Variants in FAAH2 observed in about 807,000 individuals in gnomAD.
FAAH2 encodes the protein fatty-acid amide hydrolase 2.
In FAAH2, 60 loss-of-function variants were observed where a neutral mutation model predicts 36.9. That is an observed-to-expected ratio of 1.63 (90% CI 1.32 to 2.02). The LOEUF is 2.02. Among genes scored for constraint, FAAH2 ranks in the 30% most tolerant of loss-of-function variants. The pLI is 0.00. For missense variants in FAAH2, 689 were observed against 397.5 expected (o/e 1.73, Z -6.23); for synonymous variants, 214 against 143.8 (o/e 1.49, Z -3.49).
intron 10 of FAAH2, among the ~76,000 whole-genome samples, chrX:57,464,537 A>T (rs1350001833): frequency 2.8e-4 from 31 of 108,828 alleles, no homozygotes; most frequent in African/African-American, 9.9e-4. Context: ...AAAAAAAAAA[A>T]AATTGACAAA....
At chrX:57,364,507 A>T (rs2054365222) in intron 5 of FAAH2, among the ~76,000 whole-genome samples, 1 of 99,038 alleles carries the variant, frequency 1.0e-5, no homozygotes, top group African/African-American at 3.8e-5. Context: ...TCTTCCAATG[A>T]TTCAACTTTT....
chrX:57,163,432 G>C, the FAAH2 span, among the ~76,000 whole-genome samples: 2 of 111,925 alleles, frequency 1.8e-5, no homozygotes, highest in Non-Finnish European at 3.8e-5. Context: ...AATCAAGCCT[G>C]GGCAATGGAG....
the FAAH2 span, among the ~76,000 whole-genome samples, chrX:57,186,976 T>C: frequency 8.9e-6 from 1 of 111,809 alleles, no homozygotes; most frequent in Non-Finnish European, 1.9e-5. Flanking sequence ...CCTTGTAGTA[T>C]AGTTTGAAGT....
At chrX:57,318,931 C>G (rs937702911) in intron 3 of FAAH2, among the ~76,000 whole-genome samples, 2 of 111,880 alleles carry the variant, frequency 1.8e-5, no homozygotes, top group Non-Finnish European at 3.8e-5. Flanking sequence ...ACATGATTAT[C>G]TCAATAGATG....
At chrX:57,403,235 A>G (rs1373776503) in intron 7 of FAAH2, among the ~76,000 whole-genome samples, 1 of 112,377 alleles carries the variant, frequency 8.9e-6, no homozygotes, top group Non-Finnish European at 1.9e-5. Flanking sequence ...CAGCACCCCT[A>G]GTAATTTTCC....
the FAAH2 span, among the ~76,000 whole-genome samples, chrX:57,196,808 A>G: frequency 1.1e-4 from 12 of 111,178 alleles, no homozygotes; most frequent in African/African-American, 3.6e-4. Flanking sequence ...AGCTCTTAAC[A>G]TTCTTTCCTT....
At chrX:57,303,658 T>C (rs2052440046) in intron 2 of FAAH2, among the ~76,000 whole-genome samples, 2 of 111,860 alleles carry the variant, frequency 1.8e-5, no homozygotes, top group Non-Finnish European at 3.8e-5. Context: ...TCAGTCTTTC[T>C]CCAAAGCCTG....
intron 10 of FAAH2, among the ~76,000 whole-genome samples, chrX:57,449,080 C>T (rs1325260061): frequency 2.7e-5 from 3 of 111,616 alleles, no homozygotes; most frequent in Non-Finnish European, 5.6e-5. Context: ...CTGTGGCTTC[C>T]CAGAAGATTC....
the FAAH2 span, among the ~76,000 whole-genome samples, chrX:57,162,135 G>T: frequency 9.0e-6 from 1 of 111,528 alleles, no homozygotes; most frequent in Non-Finnish European, 1.9e-5. Context: ...AGTTTGGCTG[G>T]ATATGAAATT....
chrX:57,250,025 G>T, the FAAH2 span, among the ~76,000 whole-genome samples: 1 of 111,842 alleles, frequency 8.9e-6, no homozygotes, highest in African/African-American at 3.2e-5. Flanking sequence ...AATTTACCAT[G>T]AAGACTTCAT....
chrX:57,417,952 C>T (rs2055890104), intron 7 of FAAH2, among the ~76,000 whole-genome samples: 2 of 111,679 alleles, frequency 1.8e-5, no homozygotes, highest in African/African-American at 6.5e-5. Flanking sequence ...TCTAGAGACG[C>T]AGTCTGGCTA....
At chrX:57,240,597 T>A in the FAAH2 span, among the ~76,000 whole-genome samples, 3 of 112,115 alleles carry the variant, frequency 2.7e-5, no homozygotes, top group African/African-American at 9.7e-5. Context: ...CAGTCTCCAC[T>A]GGCAGAGTGC....
chrX:57,466,392 G>GTA (rs1346821658), intron 10 of FAAH2, among the ~76,000 whole-genome samples: 3 of 104,760 alleles, frequency 2.9e-5, no homozygotes, highest in Admixed American at 2.1e-4. Context: ...TACTGGAAAA[G>GTA]TATATATATG....
At chrX:57,449,787 C>T (rs890558015) in intron 10 of FAAH2, among the ~76,000 whole-genome samples, 14 of 111,060 alleles carry the variant, frequency 1.3e-4, no homozygotes, top group African/African-American at 4.6e-4. Flanking sequence ...CTACCTCAGA[C>T]CCCCAAGTAG....
the FAAH2 span, among the ~76,000 whole-genome samples, chrX:57,263,205 G>C: frequency 9.0e-6 from 1 of 111,377 alleles, no homozygotes; most frequent in Non-Finnish European, 1.9e-5. Flanking sequence ...AAATCGCAAG[G>C]AGTGTACAAA....
At chrX:57,487,255 G>A (rs1225422705) in intron 10 of FAAH2, among the ~76,000 whole-genome samples, 1 of 108,171 alleles carries the variant, frequency 9.2e-6, no homozygotes, top group Non-Finnish European at 1.9e-5. Flanking sequence ...CAAAAGCCCA[G>A]GCAATAAAAG....
At chrX:57,302,278 T>C (rs1011644201) in intron 2 of FAAH2, among the ~76,000 whole-genome samples, 2 of 112,062 alleles carry the variant, frequency 1.8e-5, no homozygotes, top group African/African-American at 6.5e-5. Flanking sequence ...AATCTTTGTT[T>C]TATCCTTTCT....
the FAAH2 span, among the ~76,000 whole-genome samples, chrX:57,246,151 T>G: frequency 9.0e-6 from 1 of 111,637 alleles, no homozygotes. Context: ...CCTGGACACA[T>G]AAACCCTACT....
chrX:57,447,704 G>A (rs2056704480), intron 9 of FAAH2, among the ~76,000 whole-genome samples: 1 of 102,729 alleles, frequency 9.7e-6, no homozygotes, highest in Admixed American at 1.1e-4. Context: ...TCTAGCCATG[G>A]CTAGAGGGGC....
Sources: allele counts gnomAD v4.1 joint callset (sites outside exome capture counted in the v4.1 genomes callset), GRCh38; gene constraint gnomAD v4.1.1; transcripts MANE v1.5; gene names NCBI Gene and HGNC (gene_info 2026-07-23, HGNC 2026-07-21).